Variants in PRKCI observed in about 807,000 individuals in gnomAD.
The protein encoded by PRKCI is protein kinase C iota type.
PRKCI carries 43 observed loss-of-function variants against 84.0 expected under a neutral mutation model. The observed-to-expected ratio is 0.51, with a 90% CI of 0.40 to 0.66. The LOEUF (loss-of-function observed/expected upper bound fraction) is 0.66, where lower values mean the gene tolerates loss of function less well. PRKCI is among the 30% of genes least tolerant of loss of function. The probability of loss-of-function intolerance (pLI) is 0.00; values close to 1 mark genes in which losing one functional copy is unlikely to be tolerated. For synonymous variants in PRKCI, 216 were observed against 234.4 expected, an observed-to-expected ratio of 0.92 and a Z score of 0.72; for missense variants, 459 against 745.6, an observed-to-expected ratio of 0.62 and a Z score of 4.48.
At chr3:170,267,616 T>C (rs1577359482) in intron 4 of PRKCI, among the ~76,000 whole-genome samples, 1 of 141,188 alleles carries the variant, frequency 7.1e-6, no homozygotes, top group East Asian at 2.1e-4. Flanking sequence ...GAGGTTGCAG[T>C]GAGCTGAGAC....
chr3:170,222,878 G>A lies in PRKCI; in HGVS notation c.101+108G>A. 2 of 655,696 alleles carry A rather than the reference G, an allele frequency of 3.1e-6. 1 individual carries two copies. Among genetic ancestry groups the A allele is most frequent in the Non-Finnish European group, 5.0e-6 (2 of 403,530 alleles). 40.6% of individuals were successfully genotyped at this position (655,696 alleles called of 1,614,324 possible). A position where few individuals can be genotyped will look rare whatever the true frequency, so the allele number is the denominator to read the frequency against. ...GAGGTGTTGTGGGCGGATTGGGCTGGGCGGGCGGGCGGCTCCGGTGACTCA... is the reference window on the plus strand; with the variant it reads ...GAGGTGTTGTGGGCGGATTGGGCTGAGCGGGCGGGCGGCTCCGGTGACTCA... On this transcript the variant is annotated intron_variant, in intron 1 of 17. Coordinates refer to ENST00000295797, the MANE Select transcript of PRKCI (RefSeq NM_002740.6).
At chr3:170,302,889 C>T (rs941592874) in intron 17 of PRKCI, 151 bp from the exon 18 acceptor site, 38 of 520,130 alleles carry the variant, frequency 7.3e-5, no homozygotes, top group Admixed American at 2.4e-4. Context: ...ATTCTTGATT[C>T]GTCTAGAAAA....
intron 11 of PRKCI, among the ~76,000 whole-genome samples, chr3:170,283,039 A>G (rs1479125988): frequency 6.6e-6 from 1 of 151,000 alleles, no homozygotes; most frequent in Non-Finnish European, 1.5e-5. Context: ...CGGGAGGCGG[A>G]GGTTGCAGTG....
At chr3:170,292,477 CTT>C (rs1378095343) in intron 13 of PRKCI, among the ~76,000 whole-genome samples, 1 of 152,152 alleles carries the variant, frequency 6.6e-6, no homozygotes, top group Non-Finnish European at 1.5e-5. Flanking sequence ...AAACATTTGA[CTT>C]TTTGGGTTTT....
At chr3:170,270,377 T>C in intron 5 of PRKCI, 44 bp from the exon 6 acceptor site, 1 of 1,549,804 alleles carries the variant, frequency 6.5e-7, no homozygotes, top group Non-Finnish European at 8.8e-7. Flanking sequence ...GAAATGGTTA[T>C]GACCTTCTTG....
intron 5 of PRKCI, 122 bp downstream of exon 5, chr3:170,268,122 C>A (rs979459757): frequency 3.7e-5 from 26 of 707,072 alleles, no homozygotes; most frequent in Middle Eastern, 4.2e-4. Flanking sequence ...AGTAGCATGA[C>A]CTTACATTTC....
chr3:170,253,716 G>A (rs1298146783), intron 2 of PRKCI, among the ~76,000 whole-genome samples: 1 of 152,064 alleles, frequency 6.6e-6, no homozygotes, highest in Non-Finnish European at 1.5e-5. Context: ...GCATGAACCT[G>A]GGAGGCAGAG....
chr3:170,252,246 C>G (rs908140038), intron 2 of PRKCI, among the ~76,000 whole-genome samples: 1 of 152,020 alleles, frequency 6.6e-6, no homozygotes, highest in Non-Finnish European at 1.5e-5. Flanking sequence ...GAAAGATACC[C>G]TGTTGGTTGA....
At chr3:170,251,851 A>G (rs1298310969) in intron 2 of PRKCI, among the ~76,000 whole-genome samples, 2 of 152,024 alleles carry the variant, frequency 1.3e-5, no homozygotes, top group East Asian at 3.9e-4. Context: ...TGGAGGTTGC[A>G]GTGAGCCGAG....
At chr3:170,299,318 C>A (rs1045141837) in intron 17 of PRKCI, among the ~76,000 whole-genome samples, 8 of 152,280 alleles carry the variant, frequency 5.3e-5, no homozygotes, top group African/African-American at 1.9e-4. Flanking sequence ...CCTCTGCCTC[C>A]CAGGTTCAAA....
At position 170,263,458 on chromosome 3, in the gene PRKCI, A is replaced by G. The variant is rs1284806908; in HGVS notation, c.364+29A>G. The G allele has an allele frequency of 2.6e-6, 4 of 1,528,644 alleles. No individual in the cohort carries two copies. In the East Asian group the frequency reaches 6.8e-5, roughly 26 times the overall value. The allele number at this position is 1,528,644 out of a possible 1,614,324, so 94.7% of individuals were successfully genotyped here. A position where few individuals can be genotyped will look rare whatever the true frequency, so the allele number is the denominator to read the frequency against. On this transcript the variant is annotated intron_variant, in intron 4 of 17. Transcript: ENST00000295797. Reference sequence around the variant, plus strand: ...AGTGTTTATATACTTCATACCTTTTACAAGAGTTACTATGCTATGGTACAA... The same window carrying G: ...AGTGTTTATATACTTCATACCTTTTGCAAGAGTTACTATGCTATGGTACAA...
chr3:170,242,132 C>G (rs953525692), intron 2 of PRKCI, among the ~76,000 whole-genome samples: 3 of 152,054 alleles, frequency 2.0e-5, no homozygotes, highest in Non-Finnish European at 2.9e-5. Context: ...TTTGTAGAGA[C>G]AGGGTCTTGT....
intron 9 of PRKCI, 39 bp downstream of exon 9, chr3:170,280,442 G>T (rs1734213360): frequency 1.3e-6 from 2 of 1,511,594 alleles, no homozygotes; most frequent in African/African-American, 1.4e-5. Context: ...AACTGCTTGA[G>T]AATACTATTC....
At chr3:170,233,023 A>G (rs1732842278) in intron 1 of PRKCI, among the ~76,000 whole-genome samples, 6 of 151,646 alleles carry the variant, frequency 4.0e-5, no homozygotes, top group Admixed American at 3.9e-4. Flanking sequence ...ATAATTAATA[A>G]TTTGGGGGGT....
At chr3:170,233,860 A>G (rs905598922) in intron 1 of PRKCI, among the ~76,000 whole-genome samples, 1 of 151,794 alleles carries the variant, frequency 6.6e-6, no homozygotes, top group Non-Finnish European at 1.5e-5. Flanking sequence ...AGCTGGGATT[A>G]TAGGCACCCA....
At position 170,253,278 on chromosome 3, in the gene PRKCI, G is replaced by A. The variant is rs113891536; in HGVS notation, c.224-6691G>A. The stretch of plus-strand genomic sequence containing the variant: ...AGAAATCTCTATACTGTTCTCCATA[G>A]TGACTGTACTAAAGTACATTCCCAC... On this transcript the variant is annotated intron_variant, in intron 2 of 17. Coordinates refer to ENST00000295797, the MANE Select transcript of PRKCI (RefSeq NM_002740.6). Among the ~76,000 whole-genome samples, 484 of 152,218 alleles carry A rather than the reference G, an allele frequency of 3.2e-3. 1 individual carries two copies. The highest frequency in any genetic ancestry group is 0.01 in the African/African-American group (427 of 41,516).
At position 170,291,556 on chromosome 3, in the gene PRKCI, G is replaced by A. The variant is rs1734551797; in HGVS notation, c.1204-298G>A. ...TACTAAAAATACAAAAATTAGCTGGGTGTGTTGGTGCATGCCTGTAATTCC... is the reference window on the plus strand; with the variant it reads ...TACTAAAAATACAAAAATTAGCTGGATGTGTTGGTGCATGCCTGTAATTCC... On this transcript the variant is annotated intron_variant, in intron 12 of 17. Coordinates refer to ENST00000295797, the MANE Select transcript of PRKCI (RefSeq NM_002740.6). The A allele has an allele frequency of 2.0e-5, 5 of 250,958 alleles. No individual in the cohort carries two copies. In the Admixed American group the frequency reaches 2.3e-4, roughly 12 times the overall value. The allele number at this position is 250,958 out of a possible 1,614,324, so 15.5% of individuals were successfully genotyped here.
chr3:170,226,497 A>G (rs1229074270), intron 1 of PRKCI, among the ~76,000 whole-genome samples: 1 of 152,166 alleles, frequency 6.6e-6, no homozygotes, highest in African/African-American at 2.4e-5. Context: ...TGGACTGCTC[A>G]TTTCTTTACA....
At chr3:170,244,447 A>G (rs573950844) in intron 2 of PRKCI, among the ~76,000 whole-genome samples, 2 of 152,168 alleles carry the variant, frequency 1.3e-5, no homozygotes, top group Non-Finnish European at 2.9e-5. Context: ...AGGGTGGTAC[A>G]TCTGGACCCG....
Sources: allele counts gnomAD v4.1 joint callset (sites outside exome capture counted in the v4.1 genomes callset), GRCh38; gene constraint gnomAD v4.1.1; transcripts MANE v1.5; gene names NCBI Gene and HGNC (gene_info 2026-07-23, HGNC 2026-07-21).